Variants in CPM observed in about 807,000 individuals in gnomAD.
CPM encodes the protein carboxypeptidase M, also known as renal carboxypeptidase.
A neutral mutation model predicts 46.4 loss-of-function variants in CPM; 35 were observed. The ratio of observed to expected loss-of-function variants is 0.75; its 90% CI spans 0.58 to 1.00. CPM has a LOEUF of 1.00. CPM is among the 50% of genes least tolerant of loss of function. CPM has a pLI of 0.00. For synonymous variants in CPM, 195 were observed against 195.3 expected, an observed-to-expected ratio of 1.00 and a Z score of 0.01; for missense variants, 422 against 530.4, an observed-to-expected ratio of 0.80 and a Z score of 2.01.
At position 68,857,618 on chromosome 12, in the gene CPM, A is replaced by G. The variant is rs182428170; in HGVS notation, c.1090-939T>C. Among the ~76,000 whole-genome samples the G allele has an allele frequency of 6.6e-4, 100 of 152,128 alleles. No individual in the cohort carries two copies. The East Asian group carries it at 0.018, about 27-fold the overall frequency. ...CTACTGAGAAATGCTTTTATTATATATGGTGGAGAAGGGAAAAAATGGGGA... is the reference window on the plus strand; with the variant it reads ...CTACTGAGAAATGCTTTTATTATATGTGGTGGAGAAGGGAAAAAATGGGGA... On this transcript the variant is annotated intron_variant, in intron 8 of 8. Coordinates refer to ENST00000551568, the MANE Select transcript of CPM (RefSeq NM_198320.5).
chr12:68,947,596 CA>C (rs908158713), intron 1 of CPM, among the ~76,000 whole-genome samples: 2,757 of 120,880 alleles, frequency 0.023, 77 homozygotes, highest in African/African-American at 0.074. Flanking sequence ...GACTCTGTCT[CA>C]AAAAAAAAAA....
At chr12:68,913,913 G>C in intron 2 of CPM, 2 of 713,542 alleles carry the variant, frequency 2.8e-6, no homozygotes, top group South Asian at 1.4e-5. Flanking sequence ...GATATCAAAA[G>C]AATTTACAGT....
chr12:68,861,157 A>T (rs1192317646), intron 7 of CPM, among the ~76,000 whole-genome samples: 1 of 151,966 alleles, frequency 6.6e-6, no homozygotes. Context: ...GAGTGCAGGG[A>T]TTATAGGTGT....
At chr12:68,845,375 TAAC>T (rs1426193897) in intron 5 of CPM, 1 of 210,578 alleles carries the variant, frequency 4.7e-6, no homozygotes, top group Non-Finnish European at 9.6e-6. Context: ...TGTTCAGAAG[TAAC>T]AAATTATAAA....
rs1489844349 is a variant in CPM, at chr12:68,854,736, G to A, written c.*1701C>T. ...GCTGTGTGGACGATGGACTGAAGAG[G>A]AGAAGGCTGGGAGCAAGGGACCAGT... On this transcript the variant is annotated 3_prime_UTR_variant, in exon 9 of 9. Coordinates refer to ENST00000551568, the MANE Select transcript of CPM (RefSeq NM_198320.5). The A allele has an allele frequency of 6.6e-6, 1 of 152,498 alleles. No individual in the cohort carries two copies. The highest frequency in any genetic ancestry group is 1.5e-5 in the Non-Finnish European group (1 of 68,274). The allele number at this position is 152,498 out of a possible 1,614,324, so 9.4% of individuals were successfully genotyped here.
In CPM at chr12:68,958,710, A is replaced by T. The variant is rs143746809; in HGVS notation, c.-4+4459T>A. Among the ~76,000 whole-genome samples, 5 of 152,190 alleles carry T rather than the reference A, an allele frequency of 3.3e-5. No homozygotes were observed. The East Asian group carries it at 5.8e-4, about 18-fold the overall frequency. ...TCAAATGCCAGAGGGGTGTTTTAAA[A>T]CATAATCAGAACATGTTCTTTTCAC... On this transcript the variant is annotated intron_variant, in intron 1 of 8. Transcript: ENST00000546373.
At chr12:68,949,744 G>A (rs187415087) in intron 1 of CPM, among the ~76,000 whole-genome samples, 23 of 152,298 alleles carry the variant, frequency 1.5e-4, no homozygotes, top group African/African-American at 4.8e-4. Flanking sequence ...ACAAGCAAGC[G>A]AACACAGTTG....
Position 68,862,371 on chromosome 12 carries a change from A to G in CPM, c.941-3300T>C, listed in dbSNP as rs1423546629. ...TGCCTCAGCACCCCAAGTAGCTGGG[A>G]TTACAGGTGCCCACCACCACACCTG... On this transcript the variant is annotated intron_variant, in intron 7 of 8. Coordinates refer to ENST00000551568, the MANE Select transcript of CPM (RefSeq NM_198320.5). Among the ~76,000 whole-genome samples the G allele has an allele frequency of 4.3e-5, 6 of 139,044 alleles. 2 individuals carry two copies. In the Admixed American group the frequency reaches 4.3e-4, roughly 10 times the overall value. The allele number at this position is 139,044 out of a possible 152,430, so 91.2% of individuals were successfully genotyped here.
intron 7 of CPM, among the ~76,000 whole-genome samples, chr12:68,863,865 T>C: frequency 6.6e-6 from 1 of 152,200 alleles, no homozygotes; most frequent in East Asian, 1.9e-4. Flanking sequence ...ATATCAATAA[T>C]GTCTTTAAAC....
At chr12:68,908,284 G>T (rs1887434928) in intron 2 of CPM, among the ~76,000 whole-genome samples, 1 of 152,036 alleles carries the variant, frequency 6.6e-6, no homozygotes, top group Non-Finnish European at 1.5e-5. Context: ...TGTATTTTAT[G>T]TATTTCCTAA....
At chr12:68,897,219 G>A (rs1886907766) in intron 2 of CPM, among the ~76,000 whole-genome samples, 1 of 150,952 alleles carries the variant, frequency 6.6e-6, no homozygotes, top group South Asian at 2.1e-4. Context: ...TTTAAAAACT[G>A]GACATAATTA....
chr12:68,955,395 C>T (rs904898994), intron 1 of CPM, among the ~76,000 whole-genome samples: 9 of 152,134 alleles, frequency 5.9e-5, no homozygotes, highest in South Asian at 2.1e-4. Context: ...ACCACAGAAC[C>T]GTGGGTGTCA....
intron 1 of CPM, among the ~76,000 whole-genome samples, chr12:68,949,835 G>C (rs1888907175): frequency 6.6e-6 from 1 of 152,140 alleles, no homozygotes; most frequent in Admixed American, 6.6e-5. Flanking sequence ...ACCCAGACCT[G>C]GTTTCTCTCA....
At chr12:68,864,663 T>C (rs966546517) in intron 7 of CPM, among the ~76,000 whole-genome samples, 3 of 152,190 alleles carry the variant, frequency 2.0e-5, no homozygotes, top group Admixed American at 6.5e-5. Context: ...GCATATTTGA[T>C]GTTCACTTGC....
In CPM at chr12:68,852,470, G is replaced by A. The variant is rs936969653; in HGVS notation, c.*3967C>T. 1 of 152,100 alleles carries A rather than the reference G, an allele frequency of 6.6e-6. No homozygotes were observed. The highest frequency in any genetic ancestry group is 2.4e-5 in the African/African-American group (1 of 41,418). 9.4% of individuals were successfully genotyped at this position (152,100 alleles called of 1,614,324 possible). On this transcript the variant is annotated 3_prime_UTR_variant, in exon 9 of 9. Coordinates refer to ENST00000551568, the MANE Select transcript of CPM (RefSeq NM_198320.5). ...AGAATCACCGTTCAGCGTGGCGGGGGGTGGTCTCCATTTTACAGATAAAGA... is the reference window on the plus strand; with the variant it reads ...AGAATCACCGTTCAGCGTGGCGGGGAGTGGTCTCCATTTTACAGATAAAGA...
upstream of CPM, among the ~76,000 whole-genome samples, chr12:68,935,143 C>T (rs1035976216): frequency 1.3e-5 from 2 of 152,126 alleles, no homozygotes; most frequent in Admixed American, 6.5e-5. Flanking sequence ...CTCCCGACCT[C>T]GGGCGATCTG....
intron 3 of CPM, among the ~76,000 whole-genome samples, chr12:68,879,100 A>G (rs1592653881): frequency 6.6e-6 from 1 of 152,180 alleles, no homozygotes; most frequent in South Asian, 2.1e-4. Context: ...AGGCAGGAGG[A>G]TTGCTTGGAC....
At chr12:68,941,752 T>A (rs1888765124) in intron 1 of CPM, among the ~76,000 whole-genome samples, 1 of 152,218 alleles carries the variant, frequency 6.6e-6, no homozygotes, top group Admixed American at 6.5e-5. Flanking sequence ...TGGGCATTTA[T>A]CTTAAGCTGG....
intron 2 of CPM, among the ~76,000 whole-genome samples, chr12:68,896,264 C>T (rs1886872134): frequency 6.6e-6 from 1 of 152,178 alleles, no homozygotes; most frequent in Non-Finnish European, 1.5e-5. Context: ...CTTCCTGATC[C>T]TTCTGCTCAG....
Sources: allele counts gnomAD v4.1 joint callset (sites outside exome capture counted in the v4.1 genomes callset), GRCh38; gene constraint gnomAD v4.1.1; transcripts MANE v1.5; gene names NCBI Gene and HGNC (gene_info 2026-07-23, HGNC 2026-07-21).